Variants in XPR1 observed in about 807,000 individuals in gnomAD.
The protein encoded by XPR1 is solute carrier family 53 member 1.
A neutral mutation model predicts 87.5 loss-of-function variants in XPR1; 28 were observed. That is an observed-to-expected ratio of 0.32 (90% CI 0.24 to 0.44). XPR1 has a LOEUF of 0.44. XPR1 is among the 20% of genes least tolerant of loss of function. The probability of loss-of-function intolerance (pLI) is 1.00; values close to 1 mark genes in which losing one functional copy is unlikely to be tolerated. For missense variants in XPR1, 559 were observed against 862.3 expected (o/e 0.65, Z 4.41); for synonymous variants, 300 against 306.1 (o/e 0.98, Z 0.21).
At chr1:180,714,668 G>T (rs1251670371) in intron 2 of XPR1, among the ~76,000 whole-genome samples, 1 of 152,092 alleles carries the variant, frequency 6.6e-6, no homozygotes, top group Admixed American at 6.5e-5. Context: ...GCCGTCCAAA[G>T]TGCTCAGATT....
At chr1:180,729,644 A>C (rs544845605) in intron 2 of XPR1, among the ~76,000 whole-genome samples, 2 of 152,168 alleles carry the variant, frequency 1.3e-5, no homozygotes, top group South Asian at 4.2e-4. Context: ...GCATTTCTCT[A>C]ATGAGTGGTA....
chr1:180,717,533 C>T (rs368573333), intron 2 of XPR1, among the ~76,000 whole-genome samples: 36 of 151,998 alleles, frequency 2.4e-4, no homozygotes, highest in African/African-American at 8.7e-4. Flanking sequence ...TCAGAACTAC[C>T]TGGGGATTGC....
At chr1:180,754,667 G>T (rs1647661001) in intron 2 of XPR1, among the ~76,000 whole-genome samples, 2 of 151,942 alleles carry the variant, frequency 1.3e-5, no homozygotes, top group South Asian at 4.1e-4. Context: ...TCGCCATGCT[G>T]CCCAGGCTGG....
intron 1 of XPR1, among the ~76,000 whole-genome samples, chr1:180,672,854 T>C (rs1656231080): frequency 6.6e-6 from 1 of 152,182 alleles, no homozygotes; most frequent in South Asian, 2.1e-4. Flanking sequence ...AAAGTATCTG[T>C]TGTAATTTTA....
At chr1:180,854,498 A>G (rs561718372) in intron 11 of XPR1, among the ~76,000 whole-genome samples, 4 of 152,336 alleles carry the variant, frequency 2.6e-5, no homozygotes, top group East Asian at 1.9e-4. Context: ...AAAAGGTGAA[A>G]CACAGAGCAG....
chr1:180,789,619 T>G (rs921558056), intron 3 of XPR1, among the ~76,000 whole-genome samples: 1 of 152,062 alleles, frequency 6.6e-6, no homozygotes, highest in African/African-American at 2.4e-5. Flanking sequence ...GGGGTCTTGC[T>G]ATGTTGCCCA....
intron 2 of XPR1, among the ~76,000 whole-genome samples, chr1:180,698,814 G>C (rs796283454): frequency 6.6e-6 from 1 of 152,160 alleles, no homozygotes; most frequent in African/African-American, 2.4e-5. Flanking sequence ...TTTTCTTCCA[G>C]CACTTTGAAT....
chr1:180,633,400 G>A (rs1158203471), intron 1 of XPR1, among the ~76,000 whole-genome samples: 1 of 152,124 alleles, frequency 6.6e-6, no homozygotes, highest in Non-Finnish European at 1.5e-5. Flanking sequence ...ACATAACTTA[G>A]CTAGATTTTA....
chr1:180,840,265 C>T (rs1448355773), intron 11 of XPR1, among the ~76,000 whole-genome samples: 1 of 150,340 alleles, frequency 6.7e-6, no homozygotes, highest in African/African-American at 2.4e-5. Flanking sequence ...TGTTGCCCTC[C>T]TCTTCCTAGT....
intron 3 of XPR1, 114 bp downstream of exon 3, chr1:180,787,968 C>G: frequency 1.5e-6 from 1 of 684,784 alleles, no homozygotes. Flanking sequence ...CCTTACTATA[C>G]TGCACTTAAG....
At chr1:180,725,648 G>A (rs993220812) in intron 2 of XPR1, among the ~76,000 whole-genome samples, 5 of 152,154 alleles carry the variant, frequency 3.3e-5, no homozygotes, top group African/African-American at 1.2e-4. Flanking sequence ...TGATTTTACT[G>A]AATAAGAACA....
At chr1:180,855,205 G>T (rs1651988402) in intron 11 of XPR1, among the ~76,000 whole-genome samples, 1 of 151,952 alleles carries the variant, frequency 6.6e-6, no homozygotes, top group African/African-American at 2.4e-5. Context: ...TTACAGGAAA[G>T]AAAAAAATTG....
At chr1:180,738,214 G>A (rs530261203) in intron 2 of XPR1, among the ~76,000 whole-genome samples, 3 of 152,194 alleles carry the variant, frequency 2.0e-5, no homozygotes, top group East Asian at 3.9e-4. Context: ...GTTTGGCCAC[G>A]TTGGCCAGGC....
At chr1:180,811,382 T>C (rs1452182820) in intron 6 of XPR1, 25 bp from the exon 7 acceptor site, 2 of 1,595,318 alleles carry the variant, frequency 1.3e-6, no homozygotes, top group Non-Finnish European at 8.6e-7. Context: ...TGTCCTGTAC[T>C]CAAATACTAT....
intron 1 of XPR1, among the ~76,000 whole-genome samples, chr1:180,655,594 A>T (rs1279435179): frequency 6.6e-6 from 1 of 152,034 alleles, no homozygotes; most frequent in Non-Finnish European, 1.5e-5. Context: ...ATACAATTTT[A>T]AAAAATTTTC....
chr1:180,711,764 T>C (rs1476199372), intron 2 of XPR1, among the ~76,000 whole-genome samples: 2 of 152,256 alleles, frequency 1.3e-5, no homozygotes, highest in East Asian at 3.8e-4. Flanking sequence ...TGGTCAAATC[T>C]TATAATTCTT....
chr1:180,761,623 AG>A (rs1363648923), intron 2 of XPR1, among the ~76,000 whole-genome samples: 1 of 152,218 alleles, frequency 6.6e-6, no homozygotes. Context: ...AGGAAACAAC[AG>A]GTGCTGGAGA....
chr1:180,641,718 A>T (rs1363505001), intron 1 of XPR1, among the ~76,000 whole-genome samples: 1 of 152,136 alleles, frequency 6.6e-6, no homozygotes, highest in Admixed American at 6.5e-5. Flanking sequence ...TCTTTTTTAG[A>T]GTTGAAAGAG....
Position 180,670,153 on chromosome 1 carries a change from A to G in XPR1, c.70-12207A>G, listed in dbSNP as rs554853380. Among the ~76,000 whole-genome samples, 10 of 152,280 alleles carry G rather than the reference A, an allele frequency of 6.6e-5. No homozygotes were observed. In the South Asian group the frequency reaches 8.3e-4, roughly 13 times the overall value. ...GATCTAAAGTGTCTTGTAGAAGCTT[A>G]TAGTTGAATCATGTATTTTTTATCT... is the stretch of plus-strand genomic sequence containing the variant. On this transcript the variant is annotated intron_variant, in intron 1 of 14. Coordinates refer to ENST00000367590, the MANE Select transcript of XPR1 (RefSeq NM_004736.4).
Sources: gnomAD v4.1 joint callset for allele counts (sites outside exome capture counted in the v4.1 genomes callset) on GRCh38, gnomAD v4.1.1 for gene constraint, MANE v1.5 for transcripts, NCBI Gene and HGNC (gene_info 2026-07-23, HGNC 2026-07-21) for gene names.